Variants in SPAG17 observed in about 807,000 individuals in gnomAD.
SPAG17 encodes the protein sperm associated antigen 17.
Under a neutral mutation model 273.6 loss-of-function variants are expected in SPAG17, and 169 were observed. The ratio of observed to expected loss-of-function variants is 0.62; its 90% CI spans 0.55 to 0.70. The LOEUF is 0.70. Among genes scored for constraint, SPAG17 ranks in the 30% least tolerant of loss-of-function variants. The pLI, the probability that SPAG17 is intolerant of heterozygous loss-of-function variation, is 0.00. For missense variants in SPAG17, 2,557 were observed against 2,627.8 expected (o/e 0.97, Z 0.59); for synonymous variants, 825 against 873.2 (o/e 0.94, Z 0.97).
chr1:118,157,467 C>A (rs1466424024), intron 1 of SPAG17, among the ~76,000 whole-genome samples: 1 of 152,176 alleles, frequency 6.6e-6, no homozygotes, highest in Admixed American at 6.6e-5. Flanking sequence ...ATAGAGACCA[C>A]TGACAGGAGC....
At chr1:118,118,803 AG>A (rs1416714242) in intron 3 of SPAG17, among the ~76,000 whole-genome samples, 1 of 152,218 alleles carries the variant, frequency 6.6e-6, no homozygotes, top group Non-Finnish European at 1.5e-5. Context: ...TAAGGGGTCT[AG>A]ATGCTATTTT....
In SPAG17 at chr1:118,054,063, G is replaced by T; in HGVS notation, c.2753C>A (p.Ser918Ter). The change falls in exon 20 of 49, where the codon TCA becomes TAA. Residue 918 changes from serine to a stop codon, truncating the protein, a stop_gained. Transcript: ENST00000336338. LOFTEE classifies it high-confidence loss of function. ...SNKGISKTEI[S>*]DQEKEKEKEK... ...CTTCTCTTTTTCTTTTTCTTGATCT[G>T]ATATCTCTGTTTTGCTGATTCCTTT... 1 of 1,606,472 alleles carries T rather than the reference G, an allele frequency of 6.2e-7. No homozygotes were observed. Among genetic ancestry groups the T allele is most frequent in the Non-Finnish European group, 8.5e-7 (1 of 1,176,044 alleles).
chr1:118,009,517 G>A (rs888351997), intron 30 of SPAG17, among the ~76,000 whole-genome samples: 4 of 152,070 alleles, frequency 2.6e-5, no homozygotes, highest in East Asian at 3.8e-4. Context: ...AGCAGCTACC[G>A]TTTCCTTTTT....
intron 23 of SPAG17, 67 bp from the exon 24 acceptor site, chr1:118,036,950 G>T: frequency 8.9e-7 from 1 of 1,127,950 alleles, no homozygotes; most frequent in Non-Finnish European, 1.3e-6. Flanking sequence ...AAGACTCAGT[G>T]GGAAGGCTGG....
intron 25 of SPAG17, among the ~76,000 whole-genome samples, chr1:118,028,929 A>G (rs1183944938): frequency 6.6e-6 from 1 of 152,200 alleles, no homozygotes; most frequent in African/African-American, 2.4e-5. Flanking sequence ...CTCTTCTGCC[A>G]TGTGAGGACA....
chr1:118,002,194 G>C (rs971973564), intron 32 of SPAG17, among the ~76,000 whole-genome samples: 1 of 152,186 alleles, frequency 6.6e-6, no homozygotes, highest in African/African-American at 2.4e-5. Flanking sequence ...GAGACAGTTT[G>C]TTGTGATTTC....
chr1:118,051,471 C>A (rs1036285866), intron 20 of SPAG17, among the ~76,000 whole-genome samples: 11 of 151,192 alleles, frequency 7.3e-5, no homozygotes, highest in Non-Finnish European at 1.3e-4. Context: ...TTTACAATAG[C>A]CTAGATATGG....
At chr1:118,150,753 C>T in intron 2 of SPAG17, 124 bp from the exon 3 acceptor site, 1 of 552,914 alleles carries the variant, frequency 1.8e-6, no homozygotes, top group Non-Finnish European at 3.2e-6. Flanking sequence ...AAGAGGTACC[C>T]ATGAATTAGG....
chr1:118,086,303 A>G (rs1654989267), intron 12 of SPAG17, among the ~76,000 whole-genome samples: 1 of 152,200 alleles, frequency 6.6e-6, no homozygotes, highest in Admixed American at 6.5e-5. Context: ...ATTCACAGTG[A>G]CAAACTGCCA....
intron 3 of SPAG17, among the ~76,000 whole-genome samples, chr1:118,126,426 G>A (rs1474854084): frequency 6.6e-6 from 1 of 151,524 alleles, no homozygotes; most frequent in East Asian, 1.9e-4. Flanking sequence ...TGTTAGCCAG[G>A]ATGGTCTCGA....
At chr1:118,145,065 C>T (rs1658896817) in intron 3 of SPAG17, among the ~76,000 whole-genome samples, 1 of 152,176 alleles carries the variant, frequency 6.6e-6, no homozygotes, top group Non-Finnish European at 1.5e-5. Flanking sequence ...CCAGAGAATG[C>T]TTCCTGTCTC....
intron 3 of SPAG17, among the ~76,000 whole-genome samples, chr1:118,128,728 T>G (rs1170046435): frequency 6.6e-6 from 1 of 152,204 alleles, no homozygotes; most frequent in African/African-American, 2.4e-5. Flanking sequence ...ATGTGTTAAT[T>G]TAGCCTTTGG....
chr1:118,031,668 G>A (rs1648487832), intron 25 of SPAG17, 24 bp downstream of exon 25: 5 of 1,608,774 alleles, frequency 3.1e-6, no homozygotes, highest in East Asian at 2.2e-5. Flanking sequence ...CAGAGTTTGG[G>A]AATCTATGGC....
At chr1:117,967,944 T>A (rs764185346) in intron 46 of SPAG17, among the ~76,000 whole-genome samples, 1 of 152,206 alleles carries the variant, frequency 6.6e-6, no homozygotes, top group East Asian at 1.9e-4. Flanking sequence ...AATAGTAGAA[T>A]TGGAAAATGT....
intron 4 of SPAG17, among the ~76,000 whole-genome samples, chr1:118,104,580 C>T (rs760259173): frequency 2.0e-5 from 3 of 152,068 alleles, no homozygotes; most frequent in Non-Finnish European, 2.9e-5. Flanking sequence ...GAATTGAGTC[C>T]GAGATCATGC....
chr1:118,177,814 C>G (rs1389140202), intron 1 of SPAG17, among the ~76,000 whole-genome samples: 1 of 151,966 alleles, frequency 6.6e-6, no homozygotes, highest in Non-Finnish European at 1.5e-5. Flanking sequence ...ATTGGAAAAC[C>G]TAGAAGAAAT....
At chr1:118,132,439 G>T (rs181250924) in intron 3 of SPAG17, among the ~76,000 whole-genome samples, 1 of 152,302 alleles carries the variant, frequency 6.6e-6, no homozygotes, top group Non-Finnish European at 1.5e-5. Flanking sequence ...GACACGATCA[G>T]ATATATAATC....
chr1:118,097,349 T>A (rs1263961560), intron 7 of SPAG17, among the ~76,000 whole-genome samples: 1 of 152,192 alleles, frequency 6.6e-6, no homozygotes, highest in Non-Finnish European at 1.5e-5. Context: ...AATTAATACA[T>A]ATGAAGATTC....
chr1:118,093,043 A>T, intron 8 of SPAG17, 113 bp downstream of exon 8: 1 of 1,138,360 alleles, frequency 8.8e-7, no homozygotes, highest in South Asian at 1.7e-5. Flanking sequence ...AGTAGGCAGT[A>T]TGACCTTAAT....
Sources: gnomAD v4.1 joint callset for allele counts (sites outside exome capture counted in the v4.1 genomes callset) on GRCh38, gnomAD v4.1.1 for gene constraint, MANE v1.5 for transcripts, NCBI Gene and HGNC (gene_info 2026-07-23, HGNC 2026-07-21) for gene names.